ARFIP1: variants seen among roughly 807,000 people sequenced by gnomAD.
The protein encoded by ARFIP1 is arfaptin-1.
ARFIP1 carries 24 observed loss-of-function variants against 42.5 expected under a neutral mutation model. The ratio of observed to expected loss-of-function variants is 0.57; its 90% CI spans 0.41 to 0.80. The LOEUF (loss-of-function observed/expected upper bound fraction) is 0.80, where lower values mean the gene tolerates loss of function less well. Among genes scored for constraint, ARFIP1 ranks in the 30% least tolerant of loss-of-function variants. ARFIP1 has a pLI of 0.00. For missense variants in ARFIP1, 354 were observed against 434.0 expected, an observed-to-expected ratio of 0.82 and a Z score of 1.64; for synonymous variants, 141 against 153.7, an observed-to-expected ratio of 0.92 and a Z score of 0.61.
chr4:152,836,326 TG>T (rs1409571482), intron 2 of ARFIP1, among the ~76,000 whole-genome samples: 2 of 152,210 alleles, frequency 1.3e-5, no homozygotes, highest in African/African-American at 4.8e-5. Context: ...GTAATGGATA[TG>T]CTCATCAGTT....
chr4:152,903,499 T>C (rs1453956540), intron 8 of ARFIP1, among the ~76,000 whole-genome samples: 1 of 152,142 alleles, frequency 6.6e-6, no homozygotes, highest in Non-Finnish European at 1.5e-5. Flanking sequence ...TTTTTTTCTT[T>C]TGTTTTTACA....
At chr4:152,783,751 A>G (rs1431669029) in intron 1 of ARFIP1, among the ~76,000 whole-genome samples, 1 of 152,214 alleles carries the variant, frequency 6.6e-6, no homozygotes, top group Non-Finnish European at 1.5e-5. Context: ...CTGGTTGAAT[A>G]TCATACTGAG....
chr4:152,844,425 G>A (rs1732375007), intron 2 of ARFIP1, among the ~76,000 whole-genome samples: 1 of 152,180 alleles, frequency 6.6e-6, no homozygotes, highest in Non-Finnish European at 1.5e-5. Flanking sequence ...ATCAGTATGA[G>A]TTATTTGCTT....
intron 8 of ARFIP1, among the ~76,000 whole-genome samples, chr4:152,890,319 G>A (rs1736737828): frequency 6.6e-6 from 1 of 151,900 alleles, no homozygotes. Context: ...GGGAGGGAAG[G>A]AGACACTTTT....
chr4:152,871,753 G>A (rs1386638858), intron 4 of ARFIP1, among the ~76,000 whole-genome samples: 1 of 152,044 alleles, frequency 6.6e-6, no homozygotes, highest in Non-Finnish European at 1.5e-5. Flanking sequence ...TTGTAGAGTT[G>A]CTTTCATATC....
At chr4:152,869,763 G>C (rs62319922) in intron 3 of ARFIP1, among the ~76,000 whole-genome samples, 3 of 152,156 alleles carry the variant, frequency 2.0e-5, no homozygotes, top group Non-Finnish European at 4.4e-5. Flanking sequence ...AGCTAATTAA[G>C]GCTCAGAGAT....
At chr4:152,880,485 T>G (rs1735746389) in intron 5 of ARFIP1, among the ~76,000 whole-genome samples, 1 of 152,162 alleles carries the variant, frequency 6.6e-6, no homozygotes, top group Non-Finnish European at 1.5e-5. Context: ...CCCCCCCGCT[T>G]TCATTCCTTC....
chr4:152,854,450 T>C (rs186412801), intron 2 of ARFIP1, among the ~76,000 whole-genome samples: 125 of 152,346 alleles, frequency 8.2e-4, no homozygotes, highest in African/African-American at 2.9e-3. Flanking sequence ...TTGAATTCTT[T>C]TTCCAAGGTT....
chr4:152,870,962 T>C, intron 4 of ARFIP1, 114 bp downstream of exon 4: 3 of 735,868 alleles, frequency 4.1e-6, no homozygotes, highest in Non-Finnish European at 6.3e-6. Flanking sequence ...ATTCTGACTT[T>C]TTTGGTGGCT....
At chr4:152,793,796 C>T (rs1731271517) in intron 1 of ARFIP1, among the ~76,000 whole-genome samples, 1 of 152,098 alleles carries the variant, frequency 6.6e-6, no homozygotes, top group East Asian at 1.9e-4. Context: ...ATATTTTCCT[C>T]ATTGGTGCTG....
At chr4:152,900,503 G>A (rs993994524) in intron 8 of ARFIP1, among the ~76,000 whole-genome samples, 1 of 152,032 alleles carries the variant, frequency 6.6e-6, no homozygotes, top group African/African-American at 2.4e-5. Flanking sequence ...TACCCCACTT[G>A]TAGTTCATAT....
intron 2 of ARFIP1, among the ~76,000 whole-genome samples, chr4:152,832,408 C>T (rs1042944743): frequency 1.3e-5 from 2 of 152,124 alleles, no homozygotes; most frequent in African/African-American, 4.8e-5. Context: ...AAGCCTTTTG[C>T]CCGTTTTTCT....
chr4:152,866,345 G>T (rs574587332), intron 3 of ARFIP1, among the ~76,000 whole-genome samples: 1 of 152,138 alleles, frequency 6.6e-6, no homozygotes, highest in East Asian at 1.9e-4. Context: ...CCACAAAACC[G>T]CCATTGTCAT....
At chr4:152,869,329 T>C (rs143019742) in intron 3 of ARFIP1, among the ~76,000 whole-genome samples, 264 of 152,344 alleles carry the variant, frequency 1.7e-3, no homozygotes, top group Admixed American at 4.9e-3. Context: ...CATTAAAATA[T>C]TCTCAGCTAA....
rs969448122 is a variant in ARFIP1 at position 152,835,754 on chromosome 4, T to C, written c.93+6028T>C. Among the ~76,000 whole-genome samples the C allele has an allele frequency of 3.9e-5, 6 of 152,182 alleles. 1 individual carries two copies. The highest frequency in any genetic ancestry group is 5.9e-5 in the Non-Finnish European group (4 of 68,038). ...GTTGCTATAAAGAAATACATGAAACTGGGTAATTTATAAAAAAAAGAGTTT... is the reference window on the plus strand; with the variant it reads ...GTTGCTATAAAGAAATACATGAAACCGGGTAATTTATAAAAAAAAGAGTTT... On this transcript the variant is annotated intron_variant, in intron 2 of 8. Coordinates refer to ENST00000353617, the MANE Select transcript of ARFIP1 (RefSeq NM_001025595.3).
At chr4:152,855,288 G>A (rs76776012) in intron 2 of ARFIP1, among the ~76,000 whole-genome samples, 258 of 152,246 alleles carry the variant, frequency 1.7e-3, no homozygotes, top group Non-Finnish European at 2.8e-3. Context: ...TGCGGGGGGT[G>A]GGGAAGCCAG....
intron 1 of ARFIP1, among the ~76,000 whole-genome samples, chr4:152,795,181 T>C (rs527391142): frequency 2.4e-4 from 37 of 152,274 alleles, no homozygotes; most frequent in Middle Eastern, 3.4e-3. Flanking sequence ...TTTGTTTGTT[T>C]GTTTGTTTGT....
chr4:152,866,691 C>T (rs1389079014), intron 3 of ARFIP1, among the ~76,000 whole-genome samples: 3 of 152,126 alleles, frequency 2.0e-5, no homozygotes, highest in Non-Finnish European at 4.4e-5. Context: ...ACGCTCCTCA[C>T]TTCCCAGACG....
At chr4:152,885,194 A>T (rs1426221821) in intron 7 of ARFIP1, among the ~76,000 whole-genome samples, 5 of 152,090 alleles carry the variant, frequency 3.3e-5, no homozygotes, top group Admixed American at 6.6e-5. Context: ...TCAGTAGCTG[A>T]ATTTCCTTCT....
Sources: allele counts gnomAD v4.1 joint callset (sites outside exome capture counted in the v4.1 genomes callset), GRCh38; gene constraint gnomAD v4.1.1; transcripts MANE v1.5; gene names NCBI Gene and HGNC (gene_info 2026-07-23, HGNC 2026-07-21).